ARHGAP30: variants seen among roughly 807,000 people sequenced by gnomAD.
The protein encoded by ARHGAP30 is Rho GTPase activating protein 30, also known as rho GTPase-activating protein 30.
A neutral mutation model predicts 72.0 loss-of-function variants in ARHGAP30; 23 were observed. The observed-to-expected ratio is 0.32, with a 90% CI of 0.23 to 0.45. The LOEUF (loss-of-function observed/expected upper bound fraction) is 0.45. Among genes scored for constraint, ARHGAP30 ranks in the 20% least tolerant of loss-of-function variants. The probability of loss-of-function intolerance (pLI) is 1.00; values close to 1 mark genes in which losing one functional copy is unlikely to be tolerated. For missense variants in ARHGAP30, 1,319 were observed against 1,383.4 expected (o/e 0.95, Z 0.74); for synonymous variants, 576 against 528.2 (o/e 1.09, Z -1.24).
chr1:161,067,229 G>C, intron 1 of ARHGAP30, among the ~76,000 whole-genome samples: 1 of 152,152 alleles, frequency 6.6e-6, no homozygotes, highest in East Asian at 1.9e-4. Context: ...GAGGAAATAA[G>C]AGTAGGGTCA....
chr1:161,047,972 G>A lies in ARHGAP30; in HGVS notation c.3049C>T (p.Arg1017Ter), dbSNP rs1650993561. ...RQRTEAQGVR[R>*]TQTCTEGGDY... ...CCACCCTCAGTACAGGTCTGGGTTC[G>A]CCGAACTCCTTGAGCCTCAGTCCTT... Residue 1017 changes from arginine to a stop codon, truncating the protein, a stop_gained, in exon 12 of 12, where the codon CGA becomes TGA. Transcript: ENST00000368013. LOFTEE classifies it high-confidence loss of function. 2 of 1,614,112 alleles carry A rather than the reference G, an allele frequency of 1.2e-6. No homozygotes were observed. Among genetic ancestry groups the A allele is most frequent in the Non-Finnish European group, 1.7e-6 (2 of 1,180,014 alleles).
chr1:161,067,019 G>C (rs1404896457), intron 1 of ARHGAP30, among the ~76,000 whole-genome samples: 2 of 152,122 alleles, frequency 1.3e-5, no homozygotes, highest in Non-Finnish European at 2.9e-5. Context: ...TGCTGATTTT[G>C]AACCTCCAGA....
chr1:161,069,723 C>A lies in ARHGAP30; in HGVS notation c.-99G>T, dbSNP rs1015389732. The A allele has an allele frequency of 8.0e-6, 11 of 1,374,156 alleles. No homozygotes were observed. The East Asian group carries it at 1.9e-4, about 23-fold the overall frequency. 85.1% of individuals were successfully genotyped at this position (1,374,156 alleles called of 1,614,324 possible). On this transcript the variant is annotated 5_prime_UTR_variant, in exon 1 of 12. Coordinates refer to ENST00000368013, the MANE Select transcript of ARHGAP30 (RefSeq NM_001025598.2). This position sits in a 1 kb window ranked among gnomAD's most constrained non-coding sequence, Gnocchi z 4.9. ...TCCCAGCCAGCTGCTGGGCTTGGCC[C>A]GGCCCCAGGGGGGCAGGGCTCCCAA...
chr1:161,053,483 T>TCTCTCC (rs1651584525), intron 5 of ARHGAP30, 98 bp from the exon 6 acceptor site: 1 of 1,224,302 alleles, frequency 8.2e-7, no homozygotes, highest in Non-Finnish European at 1.1e-6. Context: ...TCTCTCTCTC[T>TCTCTCC]CTCTCTCTCT....
chr1:161,053,719 G>A (rs949872036), intron 5 of ARHGAP30, among the ~76,000 whole-genome samples: 2 of 152,176 alleles, frequency 1.3e-5, no homozygotes, highest in Admixed American at 1.3e-4. Flanking sequence ...CACAGTGAGT[G>A]ATATGCACAG....
intron 3 of ARHGAP30, 23 bp downstream of exon 3, chr1:161,056,365 C>A: frequency 6.2e-7 from 1 of 1,610,918 alleles, no homozygotes; most frequent in African/African-American, 1.3e-5. Flanking sequence ...CCCTGTCTTC[C>A]ACCCCTCGGC....
In ARHGAP30 at chr1:161,049,091, C is replaced by T. The variant is rs1479366929; in HGVS notation, c.1930G>A (p.Ala644Thr). The stretch of plus-strand genomic sequence containing the variant: ...TGCTCTTCCCCACCCTGTCCCAGAG[C>T]CTGCCTTCCACATCCTGCTGCCTCT... Reference protein sequence around the residue: ...EGEAAGCGRQALGQGGEEQAC... With the variant: ...EGEAAGCGRQTLGQGGEEQAC... Residue 644 changes from alanine to threonine, a missense_variant, in exon 12 of 12, where the codon GCT becomes ACT. Coordinates refer to ENST00000368013, the MANE Select transcript of ARHGAP30 (RefSeq NM_001025598.2). 2 of 1,614,066 alleles carry T rather than the reference C, an allele frequency of 1.2e-6. No homozygotes were observed. Among genetic ancestry groups the T allele is most frequent in the African/African-American group, 1.3e-5 (1 of 74,934 alleles).
rs1651596660 is a variant in ARHGAP30, at chr1:161,053,501, T to TCTCTCG, written c.537-122_537-117dup. On this transcript the variant is annotated intron_variant, in intron 5 of 11. Transcript: ENST00000368013. ...CTCTCTCTCTCTCTCTCTCTCTCTCTCTCTCGAATGACCTTAACCCCTTCT... is the reference window on the plus strand; with the variant it reads ...CTCTCTCTCTCTCTCTCTCTCTCTCTCTCTCGCTCTCGAATGACCTTAACCCCTTCT... 67 of 813,222 alleles carry TCTCTCG rather than the reference T, an allele frequency of 8.2e-5. No homozygotes were observed. The East Asian group carries it at 4.4e-3, about 54-fold the overall frequency. 50.4% of individuals were successfully genotyped at this position (813,222 alleles called of 1,614,324 possible). A position where few individuals can be genotyped will look rare whatever the true frequency, so the allele number is the denominator to read the frequency against.
rs374832197 is a variant in ARHGAP30 at position 161,049,218 on chromosome 1, C to T, written c.1803G>A (p.Glu601=). ...GGAAAACTTCCTCCCCATTTTCCTCCTCAACTTCAGGCCTGGGGCCAGCGG... is the reference window on the plus strand; with the variant it reads ...GGAAAACTTCCTCCCCATTTTCCTCTTCAACTTCAGGCCTGGGGCCAGCGG... The part of the protein sequence containing the change: ...LDSAGPRPEV[E]EENGEEVFLS... The change falls in exon 12 of 12, where the codon GAG becomes GAA. Residue 601 remains glutamate (E), a synonymous_variant. Transcript: ENST00000368013. 3.1e-6 allele frequency: 5 copies of T among 1,614,010 alleles called. No homozygotes were observed. In the African/African-American group the frequency reaches 4.0e-5, roughly 13 times the overall value.
Position 161,069,386 on chromosome 1 carries a change from A to T in ARHGAP30, c.97+142T>A. 1 of 768,580 alleles carries T rather than the reference A, an allele frequency of 1.3e-6. No individual in the cohort carries two copies. Among genetic ancestry groups the T allele is most frequent in the Non-Finnish European group, 2.1e-6 (1 of 478,144 alleles). 47.6% of individuals were successfully genotyped at this position (768,580 alleles called of 1,614,324 possible). On this transcript the variant is annotated intron_variant, in intron 1 of 11. Coordinates refer to ENST00000368013, the MANE Select transcript of ARHGAP30 (RefSeq NM_001025598.2). The surrounding 1 kb of genome is among the most constrained non-coding windows in gnomAD (Gnocchi z 4.9). ...GCCACATTTCCTGTCTTGCCCACTT[A>T]CAGTTCTCTTGAATGGTGACCCCAG...
intron 6 of ARHGAP30, 128 bp from the exon 7 acceptor site, chr1:161,052,925 C>A: frequency 8.5e-7 from 1 of 1,174,026 alleles, no homozygotes; most frequent in Non-Finnish European, 1.2e-6. Context: ...GAAGACAGTG[C>A]CTCCATGTCC....
At chr1:161,057,736 C>T (rs1282023563) in intron 2 of ARHGAP30, among the ~76,000 whole-genome samples, 1 of 152,196 alleles carries the variant, frequency 6.6e-6, no homozygotes, top group African/African-American at 2.4e-5. Context: ...AAAGGTAGGC[C>T]GGGCGCAGTG....
Position 161,052,675 on chromosome 1 carries a change from G to T in ARHGAP30, c.787C>A (p.Pro263Thr). The T allele has an allele frequency of 1.2e-6, 2 of 1,613,804 alleles. No individual in the cohort carries two copies. Among genetic ancestry groups the T allele is most frequent in the South Asian group, 2.2e-5 (2 of 91,082 alleles). The stretch of plus-strand genomic sequence containing the variant: ...GTATGGTAGGGCCGCATCTGTGGGG[G>T]TCCATCGCCAGCCTGCAGTATGCTA... The part of the protein sequence containing the change: ...LPSILQAGDG[P>T]PQMRPYHTII... Residue 263 changes from proline (P) to threonine (T), a missense_variant, in exon 7 of 12, where the codon CCC (proline) becomes ACC (threonine). Physicochemically the swap from Pro to Thr is conservative, Grantham distance 38. Around this residue, in one of 2 missense-constraint regions of ARHGAP30, gnomAD observed 1,097 missense variants for 1,045.2 expected, o/e 1.05. Transcript: ENST00000368013.
chr1:161,064,801 AAG>A (rs774011216), intron 1 of ARHGAP30, among the ~76,000 whole-genome samples: 3 of 71,342 alleles, frequency 4.2e-5, no homozygotes, highest in African/African-American at 2.4e-4. Context: ...GAAAGAAAGA[AAG>A]AAAGAAAGAA....
Position 161,052,035 on chromosome 1 carries a change from ACCACCACCACCACC to A in ARHGAP30, c.1018+237_1018+250del, listed in dbSNP as rs1557921019. On this transcript the variant is annotated intron_variant, in intron 9 of 11. Coordinates refer to ENST00000368013, the MANE Select transcript of ARHGAP30 (RefSeq NM_001025598.2). Reference sequence around the variant, plus strand: ...CACCACCACCACCACCACCACCACCACCACCACCACCACCACCACCACCACATACCCATGCTGTC... The same window carrying A: ...CACCACCACCACCACCACCACCACCAACCACCACCACATACCCATGCTGTC... Among the ~76,000 whole-genome samples, 12 of 68,030 alleles carry A rather than the reference ACCACCACCACCACC, an allele frequency of 1.8e-4. 3 individuals are homozygous for A. The highest frequency in any genetic ancestry group is 5.1e-4 in the African/African-American group (9 of 17,528). 44.6% of individuals were successfully genotyped at this position (68,030 alleles called of 152,430 possible).
rs1393767235 is a variant in ARHGAP30, at chr1:161,066,789, G to A, written c.97+2739C>T. ...CTACAGTTCACCATCCATCGTTTCAGTACCTACTCCCATTTTCTAGGATCC... is the reference window on the plus strand; with the variant it reads ...CTACAGTTCACCATCCATCGTTTCAATACCTACTCCCATTTTCTAGGATCC... On this transcript the variant is annotated intron_variant, in intron 1 of 11. Coordinates refer to ENST00000368013, the MANE Select transcript of ARHGAP30 (RefSeq NM_001025598.2). Among the ~76,000 whole-genome samples the A allele has an allele frequency of 5.9e-5, 9 of 151,550 alleles. 1 individual carries two copies. In the Admixed American group the frequency reaches 5.9e-4, roughly 10 times the overall value.
At chr1:161,055,944 A>AT (rs1651848909) in intron 3 of ARHGAP30, among the ~76,000 whole-genome samples, 1 of 138,162 alleles carries the variant, frequency 7.2e-6, no homozygotes, top group African/African-American at 2.9e-5. Flanking sequence ...ATAAATATAA[A>AT]ATAAAATAAA....
intron 1 of ARHGAP30, among the ~76,000 whole-genome samples, chr1:161,063,156 A>C (rs182770919): frequency 3.3e-5 from 5 of 152,196 alleles, no homozygotes; most frequent in Admixed American, 2.6e-4. Flanking sequence ...TGTTATGATT[A>C]GTTTATTTTG....
chr1:161,056,308 G>A, intron 3 of ARHGAP30, 80 bp downstream of exon 3: 2 of 1,539,998 alleles, frequency 1.3e-6, no homozygotes, highest in South Asian at 1.2e-5. Flanking sequence ...ACTCTGGCTA[G>A]TATGTGGCAC....
Sources: gnomAD v4.1 joint callset for allele counts (sites outside exome capture counted in the v4.1 genomes callset) on GRCh38, gnomAD v4.1.1 for gene constraint, gnomAD v4.1.1 regional missense constraint, Gnocchi (gnomAD v3.1) non-coding constraint, MANE v1.5 for transcripts, NCBI Gene and HGNC (gene_info 2026-07-23, HGNC 2026-07-21) for gene names.